GPC5: variants seen among roughly 807,000 people sequenced by gnomAD.
GPC5 encodes the protein glypican-5.
In GPC5, 47 loss-of-function variants were observed where a neutral mutation model predicts 53.9. That is an observed-to-expected ratio of 0.87 (90% CI 0.69 to 1.11). The LOEUF is 1.11. GPC5 is among the 50% of genes most tolerant of loss of function. The pLI, the probability that GPC5 is intolerant of heterozygous loss-of-function variation, is 0.00. For missense variants in GPC5, 748 were observed against 713.1 expected, an observed-to-expected ratio of 1.05 and a Z score of -0.56; for synonymous variants, 286 against 263.3, an observed-to-expected ratio of 1.09 and a Z score of -0.84.
chr13:92,441,383 G>A (rs1000888473), intron 7 of GPC5, among the ~76,000 whole-genome samples: 2 of 152,092 alleles, frequency 1.3e-5, no homozygotes, highest in African/African-American at 4.8e-5. Context: ...TTTGGTTGCA[G>A]TTGCTTTTGA....
intron 2 of GPC5, among the ~76,000 whole-genome samples, chr13:91,466,175 A>T (rs1464233743): frequency 1.3e-5 from 2 of 152,180 alleles, no homozygotes; most frequent in African/African-American, 4.8e-5. Flanking sequence ...ACCAAGGGAA[A>T]CAGTTCCATC....
At chr13:91,483,472 A>G (rs1035530489) in intron 2 of GPC5, among the ~76,000 whole-genome samples, 19 of 152,022 alleles carry the variant, frequency 1.2e-4, no homozygotes, top group African/African-American at 4.6e-4. Context: ...CCTGATGACT[A>G]CTCCAGCCCT....
chr13:92,723,037 C>G (rs777896046), intron 7 of GPC5, among the ~76,000 whole-genome samples: 1 of 151,506 alleles, frequency 6.6e-6, no homozygotes. Context: ...TAGACAGAAC[C>G]GGGTTTAAAT....
At chr13:92,376,538 G>A (rs969257431) in intron 7 of GPC5, among the ~76,000 whole-genome samples, 6 of 152,096 alleles carry the variant, frequency 3.9e-5, no homozygotes, top group Admixed American at 1.3e-4. Flanking sequence ...GACTGTTGAC[G>A]AGCTCTATTA....
At chr13:91,839,493 C>T (rs996080766) in intron 5 of GPC5, among the ~76,000 whole-genome samples, 5 of 151,832 alleles carry the variant, frequency 3.3e-5, no homozygotes, top group Non-Finnish European at 7.4e-5. Context: ...AAGTTAATCA[C>T]CTGTAGTTAA....
intron 7 of GPC5, among the ~76,000 whole-genome samples, chr13:92,221,293 A>G (rs561658711): frequency 6.6e-6 from 1 of 152,304 alleles, no homozygotes; most frequent in South Asian, 2.1e-4. Flanking sequence ...TTCTGAAAAT[A>G]CGCTATAGTT....
At chr13:91,955,083 T>C (rs2139065778) in intron 6 of GPC5, among the ~76,000 whole-genome samples, 1 of 152,280 alleles carries the variant, frequency 6.6e-6, no homozygotes, top group African/African-American at 2.4e-5. Context: ...TTAAATGAGA[T>C]CTGAATAAAT....
intron 6 of GPC5, among the ~76,000 whole-genome samples, chr13:92,134,248 G>A (rs964111766): frequency 7.9e-5 from 12 of 152,084 alleles, no homozygotes; most frequent in African/African-American, 2.9e-4. Flanking sequence ...TGTAGTGTTT[G>A]GAAGATGACA....
chr13:92,280,781 C>T lies in GPC5; in HGVS notation c.1561+135792C>T, dbSNP rs568358873. On this transcript the variant is annotated intron_variant, in intron 7 of 7. Transcript: ENST00000377067. ...GGTGCGGGGGGCGGTTGCAAGATGG[C>T]CTAATAGGAACAGCTCCAGTCTATA... Among the ~76,000 whole-genome samples the T allele has an allele frequency of 5.9e-5, 9 of 152,110 alleles. No homozygotes were observed. In the East Asian group the frequency reaches 1.7e-3, roughly 29 times the overall value.
chr13:92,259,718 C>G (rs898215057), intron 7 of GPC5, among the ~76,000 whole-genome samples: 1 of 152,134 alleles, frequency 6.6e-6, no homozygotes, highest in African/African-American at 2.4e-5. Flanking sequence ...GAGTTTTGCT[C>G]TTAGGAGGAA....
chr13:91,479,813 T>C (rs768978759), intron 2 of GPC5, among the ~76,000 whole-genome samples: 7 of 152,312 alleles, frequency 4.6e-5, no homozygotes, highest in Non-Finnish European at 1.0e-4. Context: ...ATTAGAATGA[T>C]GTAGAATAGA....
chr13:91,667,905 T>A (rs2035155855), intron 2 of GPC5, among the ~76,000 whole-genome samples: 1 of 152,190 alleles, frequency 6.6e-6, no homozygotes, highest in African/African-American at 2.4e-5. Flanking sequence ...AGCAGTGTTG[T>A]GTGCTGCAGC....
chr13:92,788,643 T>G (rs1476184559), intron 7 of GPC5, among the ~76,000 whole-genome samples: 1 of 152,202 alleles, frequency 6.6e-6, no homozygotes, highest in African/African-American at 2.4e-5. Flanking sequence ...TTCAATAATT[T>G]TCAATGATCG....
At chr13:92,153,021 T>G (rs1264857995) in intron 7 of GPC5, among the ~76,000 whole-genome samples, 13 of 152,240 alleles carry the variant, frequency 8.5e-5, no homozygotes, top group African/African-American at 3.1e-4. Context: ...TTTTTGAATT[T>G]TATATGAATC....
intron 7 of GPC5, among the ~76,000 whole-genome samples, chr13:92,235,025 A>G (rs774080953): frequency 3.4e-4 from 51 of 152,210 alleles, no homozygotes; most frequent in Non-Finnish European, 5.6e-4. Context: ...TAGGTCCCTA[A>G]GAAAATCTTA....
chr13:91,665,878 C>T (rs1016102536), intron 2 of GPC5, among the ~76,000 whole-genome samples: 2 of 152,124 alleles, frequency 1.3e-5, no homozygotes, highest in East Asian at 1.9e-4. Flanking sequence ...TATTTGAGCA[C>T]AGTCGAGTGG....
intron 5 of GPC5, among the ~76,000 whole-genome samples, chr13:91,883,283 T>C (rs1044572546): frequency 2.6e-5 from 4 of 152,216 alleles, no homozygotes; most frequent in African/African-American, 9.6e-5. Context: ...AGGTGGAAAA[T>C]GCCTGCTCTC....
intron 6 of GPC5, among the ~76,000 whole-genome samples, chr13:92,003,350 G>T (rs982113234): frequency 7.0e-5 from 10 of 142,350 alleles, no homozygotes; most frequent in Admixed American, 4.2e-4. Context: ...AAAAAGAAAA[G>T]AAATGTTTTA....
chr13:92,114,337 C>A (rs766512264), intron 6 of GPC5, among the ~76,000 whole-genome samples: 13 of 152,094 alleles, frequency 8.5e-5, no homozygotes, highest in Admixed American at 1.3e-4. Context: ...ACATGCAGAA[C>A]GTTACTTCAG....
Sources: allele counts gnomAD v4.1 joint callset (sites outside exome capture counted in the v4.1 genomes callset), GRCh38; gene constraint gnomAD v4.1.1; transcripts MANE v1.5; gene names NCBI Gene and HGNC (gene_info 2026-07-23, HGNC 2026-07-21).